SUMF1: variants seen among roughly 807,000 people sequenced by gnomAD.
The protein encoded by SUMF1 is formylglycine-generating enzyme.
A neutral mutation model predicts 47.6 loss-of-function variants in SUMF1; 48 were observed. That is an observed-to-expected ratio of 1.01 (90% CI 0.80 to 1.28). The LOEUF is 1.28. SUMF1 is among the 50% of genes most tolerant of loss of function. The probability of loss-of-function intolerance (pLI) is 0.00; values close to 1 mark genes in which losing one functional copy is unlikely to be tolerated. For synonymous variants in SUMF1, 230 were observed against 192.1 expected, an observed-to-expected ratio of 1.20 and a Z score of -1.63; for missense variants, 571 against 485.4, an observed-to-expected ratio of 1.18 and a Z score of -1.66.
intron 8 of SUMF1, among the ~76,000 whole-genome samples, chr3:4,215,456 C>T (rs898970416): frequency 3.3e-5 from 5 of 152,162 alleles, no homozygotes; most frequent in Non-Finnish European, 5.9e-5. Flanking sequence ...TGGGCAAAAG[C>T]TGAAAGCATT....
chr3:4,277,529 G>A (rs1697443929), intron 8 of SUMF1, among the ~76,000 whole-genome samples: 1 of 152,032 alleles, frequency 6.6e-6, no homozygotes, highest in South Asian at 2.1e-4. Flanking sequence ...AGGAAAAGAA[G>A]CAGGAGACAG....
chr3:4,128,313 G>T (rs546679398), intron 8 of SUMF1, among the ~76,000 whole-genome samples: 1 of 152,288 alleles, frequency 6.6e-6, no homozygotes, highest in East Asian at 1.9e-4. Flanking sequence ...ATTGGGCCCT[G>T]AAACTTGGAA....
chr3:4,246,412 T>G (rs1696672004), intron 8 of SUMF1, among the ~76,000 whole-genome samples: 1 of 151,932 alleles, frequency 6.6e-6, no homozygotes, highest in African/African-American at 2.4e-5. Context: ...TTGTTTTTGT[T>G]TTTGTTTTTG....
chr3:4,108,051 A>G (rs1459145521), intron 8 of SUMF1, among the ~76,000 whole-genome samples: 1 of 152,174 alleles, frequency 6.6e-6, no homozygotes, highest in African/African-American at 2.4e-5. Flanking sequence ...AAACTATAGT[A>G]TATCGAAGGC....
rs139413166 is a variant in SUMF1 at position 4,197,664 on chromosome 3, T to A, written c.1015-128919A>T. ...CTTTTATAGAATAATCTTTAGCAAG[T>A]CTGTTCTGACAAGTAAACTAGGAAA... On this transcript the variant is annotated intron_variant and NMD_transcript_variant, in intron 8 of 12. Transcript: ENST00000448413. Among the ~76,000 whole-genome samples, 507 of 152,250 alleles carry A rather than the reference T, an allele frequency of 3.3e-3. 14 individuals carry two copies. The highest frequency in any genetic ancestry group is 8.2e-4 in the Non-Finnish European group (56 of 68,004).
chr3:4,438,045 C>T (rs1384923674), intron 3 of SUMF1, among the ~76,000 whole-genome samples: 1 of 151,524 alleles, frequency 6.6e-6, no homozygotes, highest in Non-Finnish European at 1.5e-5. Flanking sequence ...TAGTAGATAC[C>T]AGACAAAATA....
At chr3:4,364,698 G>T (rs1699889619) in intron 8 of SUMF1, among the ~76,000 whole-genome samples, 1 of 149,900 alleles carries the variant, frequency 6.7e-6, no homozygotes, top group African/African-American at 2.4e-5. Flanking sequence ...TTAATTTTTT[G>T]AAGGGTTTTT....
chr3:4,202,486 C>T (rs1403311694), intron 8 of SUMF1, among the ~76,000 whole-genome samples: 2 of 151,966 alleles, frequency 1.3e-5, no homozygotes, highest in Admixed American at 1.3e-4. Context: ...TATGCCAGTA[C>T]TATGTTGTTC....
intron 8 of SUMF1, among the ~76,000 whole-genome samples, chr3:4,366,029 A>G (rs1368629042): frequency 6.6e-6 from 1 of 151,866 alleles, no homozygotes; most frequent in Admixed American, 6.6e-5. Flanking sequence ...TTCTTTAAGA[A>G]TGTTGAATAT....
rs148469371 is a variant in SUMF1 at position 4,119,795 on chromosome 3, T to C, written c.1015-51050A>G. ...AAGTACAAAACTTAACAGAAGTAGC[T>C]GCACAGAGTACAGGCACATGCAGGA... On this transcript the variant is annotated intron_variant and NMD_transcript_variant, in intron 8 of 12. Coordinates refer to the SUMF1 transcript ENST00000448413. Among the ~76,000 whole-genome samples, 171 of 152,216 alleles carry C rather than the reference T, an allele frequency of 1.1e-3. 2 individuals are homozygous for C. Among genetic ancestry groups the C allele is most frequent in the Non-Finnish European group, 1.9e-3 (126 of 68,006 alleles).
chr3:4,452,050 A>T (rs758390454), intron 2 of SUMF1, among the ~76,000 whole-genome samples: 1 of 152,198 alleles, frequency 6.6e-6, no homozygotes, highest in African/African-American at 2.4e-5. Flanking sequence ...TGCAAAACCA[A>T]ATCTGAAAGT....
intron 8 of SUMF1, among the ~76,000 whole-genome samples, chr3:4,124,306 G>A (rs1693607947): frequency 6.6e-6 from 1 of 152,088 alleles, no homozygotes; most frequent in Non-Finnish European, 1.5e-5. Context: ...GTAGGAGGAG[G>A]AATTTTTCTA....
intron 3 of SUMF1, among the ~76,000 whole-genome samples, chr3:4,422,856 G>T (rs1291290744): frequency 6.6e-6 from 1 of 151,696 alleles, no homozygotes. Flanking sequence ...GGTTACATGT[G>T]TAAGTGCTTT....
chr3:4,419,728 C>T (rs1272417759), intron 4 of SUMF1, among the ~76,000 whole-genome samples: 1 of 152,036 alleles, frequency 6.6e-6, no homozygotes, highest in African/African-American at 2.4e-5. Context: ...CTCATAGACC[C>T]GCTAATAATG....
chr3:4,445,422 C>T (rs956626844), intron 3 of SUMF1, among the ~76,000 whole-genome samples: 1 of 152,160 alleles, frequency 6.6e-6, no homozygotes, highest in Non-Finnish European at 1.5e-5. Flanking sequence ...ACTGAAACCT[C>T]GAACTCCTGG....
rs559345415 is a variant in SUMF1, at chr3:4,460,613, T to C, written c.270+6363A>G. Among the ~76,000 whole-genome samples the C allele has an allele frequency of 1.0e-4, 15 of 149,292 alleles. 1 individual carries two copies. In the South Asian group the frequency reaches 3.2e-3, roughly 31 times the overall value. On this transcript the variant is annotated intron_variant, in intron 1 of 8. Coordinates refer to ENST00000272902, the MANE Select transcript of SUMF1 (RefSeq NM_182760.4). ...CTCACACACACAGTGTGTGTGTGTG[T>C]GTGTGTGTGTGAGAGTGTGTGTGTG...
chr3:4,312,573 T>G (rs1465482821), intron 8 of SUMF1, among the ~76,000 whole-genome samples: 1 of 152,110 alleles, frequency 6.6e-6, no homozygotes, highest in African/African-American at 2.4e-5. Flanking sequence ...TAGCTGGACA[T>G]GGTGGTTCCC....
chr3:4,189,655 A>G (rs1559550751), intron 8 of SUMF1, among the ~76,000 whole-genome samples: 1 of 152,214 alleles, frequency 6.6e-6, no homozygotes, highest in East Asian at 1.9e-4. Context: ...GTAGGGCAAG[A>G]GAACAAGAGA....
chr3:4,102,445 A>T (rs1395758448), intron 8 of SUMF1, among the ~76,000 whole-genome samples: 1 of 152,124 alleles, frequency 6.6e-6, no homozygotes, highest in Non-Finnish European at 1.5e-5. Flanking sequence ...AGCAGTAATG[A>T]TAGAGTCCAG....
Sources: gnomAD v4.1 joint callset for allele counts (sites outside exome capture counted in the v4.1 genomes callset) on GRCh38, gnomAD v4.1.1 for gene constraint, MANE v1.5 for transcripts, NCBI Gene and HGNC (gene_info 2026-07-23, HGNC 2026-07-21) for gene names.